The following MGAT4C variants were observed in gnomAD, a reference collection of about 807,000 sequenced individuals.
MGAT4C encodes the protein MGAT4 family member C.
In MGAT4C, 19 loss-of-function variants were observed where a neutral mutation model predicts 40.1. That is an observed-to-expected ratio of 0.47 (90% CI 0.33 to 0.70). The LOEUF is 0.70. Ranked by LOEUF, MGAT4C falls within the 30% of genes least tolerant of loss-of-function variation. MGAT4C has a pLI of 0.02. For synonymous variants in MGAT4C, 181 were observed against 187.1 expected (o/e 0.97, Z 0.27); for missense variants, 491 against 563.2 (o/e 0.87, Z 1.30).
intron 2 of MGAT4C, among the ~76,000 whole-genome samples, chr12:86,519,773 T>G (rs181779330): frequency 6.6e-6 from 1 of 152,314 alleles, no homozygotes; most frequent in Admixed American, 6.5e-5. Context: ...TTTCTTTTGC[T>G]ATTTGAGCCC....
intron 1 of MGAT4C, among the ~76,000 whole-genome samples, chr12:86,770,748 C>T (rs967801051): frequency 6.6e-6 from 1 of 151,948 alleles, no homozygotes; most frequent in Non-Finnish European, 1.5e-5. Flanking sequence ...TCTTAATCTT[C>T]CCTATTTGAA....
chr12:86,161,884 A>T (rs1355024922), intron 1 of MGAT4C, among the ~76,000 whole-genome samples: 1 of 152,172 alleles, frequency 6.6e-6, no homozygotes, highest in African/African-American at 2.4e-5. Context: ...GCTGCCAACA[A>T]ACGCATGAAA....
intron 2 of MGAT4C, among the ~76,000 whole-genome samples, chr12:86,458,129 T>G (rs555735733): frequency 9.5e-4 from 144 of 152,218 alleles, no homozygotes; most frequent in Non-Finnish European, 1.7e-3. Context: ...AAGGTGACAA[T>G]ATGTCATTAG....
chr12:86,336,722 A>G (rs1479910166), intron 3 of MGAT4C, among the ~76,000 whole-genome samples: 1 of 152,138 alleles, frequency 6.6e-6, no homozygotes, highest in Admixed American at 6.6e-5. Context: ...GAAGATAAAC[A>G]TTACAGTATG....
Position 85,978,169 on chromosome 12 carries a change from A to G in MGAT4C, c.*1120T>C, listed in dbSNP as rs1197209956. ...CAGGAATTGTACCACCTATTTCCAGATGGTATAACTTATTATCTGACAGGC... is the reference window on the plus strand; with the variant it reads ...CAGGAATTGTACCACCTATTTCCAGGTGGTATAACTTATTATCTGACAGGC... On this transcript the variant is annotated 3_prime_UTR_variant, in exon 5 of 5. Coordinates refer to ENST00000611864, the MANE Select transcript of MGAT4C (RefSeq NM_001351288.2). 1 of 151,652 alleles carries G rather than the reference A, an allele frequency of 6.6e-6. No individual in the cohort carries two copies. Among genetic ancestry groups the G allele is most frequent in the East Asian group, 1.9e-4 (1 of 5,192 alleles). 9.4% of individuals were successfully genotyped at this position (151,652 alleles called of 1,614,324 possible). A position where few individuals can be genotyped will look rare whatever the true frequency, so the allele number is the denominator to read the frequency against.
intron 2 of MGAT4C, among the ~76,000 whole-genome samples, chr12:86,477,097 T>C (rs1473268880): frequency 1.3e-5 from 2 of 151,670 alleles, no homozygotes; most frequent in African/African-American, 4.8e-5. Context: ...TAAATATATA[T>C]ATATTTGTAC....
intron 1 of MGAT4C, among the ~76,000 whole-genome samples, chr12:86,236,105 TC>T (rs1951530273): frequency 6.6e-6 from 1 of 152,058 alleles, no homozygotes; most frequent in Admixed American, 6.6e-5. Flanking sequence ...CCTACTGACA[TC>T]ACAGAAATAC....
At chr12:86,811,031 G>T (rs1217136497) in intron 1 of MGAT4C, among the ~76,000 whole-genome samples, 1 of 44,370 alleles carries the variant, frequency 2.3e-5, no homozygotes, top group African/African-American at 5.3e-5. Flanking sequence ...CCTTGTCAAA[G>T]ATTTTATATT....
chr12:86,196,197 A>G (rs1278525194), intron 1 of MGAT4C, among the ~76,000 whole-genome samples: 1 of 152,230 alleles, frequency 6.6e-6, no homozygotes, highest in East Asian at 1.9e-4. Flanking sequence ...CTGTATCCTC[A>G]CATGATCATT....
At chr12:86,141,945 T>G (rs1477848382) in intron 1 of MGAT4C, among the ~76,000 whole-genome samples, 1 of 152,118 alleles carries the variant, frequency 6.6e-6, no homozygotes, top group African/African-American at 2.4e-5. Context: ...TGTCAGCATT[T>G]TCTACCTTTA....
intron 3 of MGAT4C, among the ~76,000 whole-genome samples, chr12:86,360,260 A>G (rs867608193): frequency 1.5e-4 from 23 of 152,358 alleles, no homozygotes; most frequent in African/African-American, 5.3e-4. Context: ...ATAGATGCAG[A>G]AAAGGCCTTT....
At position 86,033,364 on chromosome 12, in the gene MGAT4C, A is replaced by G. The variant is rs1187278287; in HGVS notation, c.-7+16310T>C. Among the ~76,000 whole-genome samples, 2 of 149,770 alleles carry G rather than the reference A, an allele frequency of 1.3e-5. 1 individual carries two copies. Among genetic ancestry groups the G allele is most frequent in the Non-Finnish European group, 3.0e-5 (2 of 66,720 alleles). On this transcript the variant is annotated intron_variant, in intron 2 of 4. Coordinates refer to ENST00000611864, the MANE Select transcript of MGAT4C (RefSeq NM_001351288.2). The stretch of plus-strand genomic sequence containing the variant: ...TTGCTTTGGGCAGTATGGCTATTTT[A>G]AAATATTGATTCTTTCTATTAATGA...
intron 2 of MGAT4C, among the ~76,000 whole-genome samples, chr12:86,586,432 G>A (rs1239654086): frequency 7.2e-5 from 4 of 55,466 alleles, no homozygotes; most frequent in African/African-American, 1.8e-4. Context: ...TATCTTTATA[G>A]CAGCATGATT....
chr12:86,830,829 T>C (rs1206785205), intron 1 of MGAT4C, among the ~76,000 whole-genome samples: 1 of 151,840 alleles, frequency 6.6e-6, no homozygotes, highest in Non-Finnish European at 1.5e-5. Context: ...AAAGAGGAGC[T>C]GTGAAGGTTT....
intron 3 of MGAT4C, among the ~76,000 whole-genome samples, chr12:86,426,048 C>T (rs1003620799): frequency 6.6e-6 from 1 of 152,008 alleles, no homozygotes; most frequent in Non-Finnish European, 1.5e-5. Context: ...TATGTTAATG[C>T]AATAAACATA....
At chr12:86,253,603 A>G (rs1592595394) in intron 1 of MGAT4C, among the ~76,000 whole-genome samples, 1 of 152,024 alleles carries the variant, frequency 6.6e-6, no homozygotes, top group African/African-American at 2.4e-5. Flanking sequence ...GCATAAAAAC[A>G]TTACATTTAT....
chr12:86,743,393 T>C (rs1042819331), intron 1 of MGAT4C, among the ~76,000 whole-genome samples: 3 of 151,576 alleles, frequency 2.0e-5, no homozygotes, highest in Non-Finnish European at 4.4e-5. Context: ...TACATATACA[T>C]TTTATATTTT....
chr12:86,350,108 A>G (rs1019596613), intron 3 of MGAT4C, among the ~76,000 whole-genome samples: 1 of 152,034 alleles, frequency 6.6e-6, no homozygotes, highest in Non-Finnish European at 1.5e-5. Flanking sequence ...GGAAACTCAA[A>G]GTTTAGGGCT....
At chr12:86,031,538 T>C (rs146890442) in intron 2 of MGAT4C, among the ~76,000 whole-genome samples, 7 of 151,696 alleles carry the variant, frequency 4.6e-5, no homozygotes, top group Admixed American at 2.6e-4. Context: ...AATATATCAG[T>C]TGGAAAAAGA....
Sources: allele counts gnomAD v4.1 joint callset (sites outside exome capture counted in the v4.1 genomes callset), GRCh38; gene constraint gnomAD v4.1.1; transcripts MANE v1.5; gene names NCBI Gene and HGNC (gene_info 2026-07-23, HGNC 2026-07-21).